Variants in FLRT2 observed in about 807,000 individuals in gnomAD.
FLRT2 encodes the protein fibronectin leucine rich transmembrane protein 2.
Under a neutral mutation model 40.0 loss-of-function variants are expected in FLRT2, and 15 were observed. That is an observed-to-expected ratio of 0.38 (90% CI 0.25 to 0.58). The LOEUF is 0.58. Ranked by LOEUF, FLRT2 falls within the 20% of genes least tolerant of loss-of-function variation. FLRT2 has a pLI of 0.71. For missense variants in FLRT2, 726 were observed against 840.0 expected (o/e 0.86, Z 1.68); for synonymous variants, 380 against 336.8 (o/e 1.13, Z -1.41).
rs1893104655 is a variant in FLRT2, at chr14:85,615,795, A to G, written c.-376-5344A>G. 1.3e-5 allele frequency among the ~76,000 whole-genome samples: 2 copies of G among 152,264 alleles called. 1 individual carries two copies. Among genetic ancestry groups the G allele is most frequent in the South Asian group, 4.1e-4 (2 of 4,838 alleles). On this transcript the variant is annotated intron_variant, in intron 1 of 1. Coordinates refer to ENST00000330753, the MANE Select transcript of FLRT2 (RefSeq NM_013231.6). ...TGTGCTGCCTTGTCACAATTCAGCC[A>G]GTGCTGAAACCATTAAGATTTTATT...
At chr14:85,614,976 C>T (rs1190253893) in intron 1 of FLRT2, among the ~76,000 whole-genome samples, 2 of 152,288 alleles carry the variant, frequency 1.3e-5, no homozygotes, top group South Asian at 2.1e-4. Flanking sequence ...TATTAGTACT[C>T]TCTCAATTTA....
At position 85,647,516 on chromosome 14, in the gene FLRT2, ATG is replaced by A. The variant is rs1894334229; in HGVS notation, c.*24021_*24022del. 1 of 152,190 alleles carries A rather than the reference ATG, an allele frequency of 6.6e-6. No homozygotes were observed. The highest frequency in any genetic ancestry group is 2.4e-5 in the African/African-American group (1 of 41,458). The allele number at this position is 152,190 out of a possible 1,614,324, so 9.4% of individuals were successfully genotyped here. A position where few individuals can be genotyped will look rare whatever the true frequency, so the allele number is the denominator to read the frequency against. On this transcript the variant is annotated 3_prime_UTR_variant, in exon 2 of 2. Coordinates refer to ENST00000330753, the MANE Select transcript of FLRT2 (RefSeq NM_013231.6). ...AGAAGTCTTACTAGTCAATGGAAGA[ATG>A]TTTCTCTTCCAAGAGGACACAACAA... is the stretch of plus-strand genomic sequence containing the variant.
intron 1 of FLRT2, among the ~76,000 whole-genome samples, chr14:85,543,300 G>T (rs909882457): frequency 6.6e-6 from 1 of 152,206 alleles, no homozygotes; most frequent in Admixed American, 6.5e-5. Context: ...GCTTTTTATA[G>T]TTGTCTGACT....
intron 1 of FLRT2, among the ~76,000 whole-genome samples, chr14:85,579,044 G>T (rs114939718): frequency 6.6e-6 from 1 of 152,170 alleles, no homozygotes; most frequent in Non-Finnish European, 1.5e-5. Flanking sequence ...GTTTTGAGAC[G>T]ACTGGTGTCT....
chr14:85,532,835 G>T (rs375685479), intron 1 of FLRT2, among the ~76,000 whole-genome samples: 258 of 152,238 alleles, frequency 1.7e-3, no homozygotes, highest in African/African-American at 5.9e-3. Flanking sequence ...CTCACATTTC[G>T]ATCATTTCTC....
chr14:85,581,593 A>G (rs1891388324), intron 1 of FLRT2, among the ~76,000 whole-genome samples: 1 of 152,194 alleles, frequency 6.6e-6, no homozygotes, highest in African/African-American at 2.4e-5. Context: ...TCCAGAATGG[A>G]GACTTCCATT....
intron 1 of FLRT2, among the ~76,000 whole-genome samples, chr14:85,565,485 G>T (rs909025503): frequency 2.6e-5 from 4 of 152,132 alleles, no homozygotes; most frequent in Non-Finnish European, 4.4e-5. Context: ...GACCCCGATA[G>T]TTTCCCAATA....
chr14:85,639,843 T>A lies in FLRT2; in HGVS notation c.*16346T>A, dbSNP rs1566773360. 2.9e-5 allele frequency: 3 copies of A among 103,774 alleles called. No homozygotes were observed. The highest frequency in any genetic ancestry group is 1.2e-4 in the African/African-American group (3 of 24,210). 6.4% of individuals were successfully genotyped at this position (103,774 alleles called of 1,614,324 possible). A position where few individuals can be genotyped will look rare whatever the true frequency, so the allele number is the denominator to read the frequency against. ...CACTAGCAGAAATTCTTTATTTTTTTTTTTTTCCTTTTTTTTTTTTTTTGA... is the reference window on the plus strand; with the variant it reads ...CACTAGCAGAAATTCTTTATTTTTTATTTTTTCCTTTTTTTTTTTTTTTGA... On this transcript the variant is annotated 3_prime_UTR_variant, in exon 2 of 2. Coordinates refer to ENST00000330753, the MANE Select transcript of FLRT2 (RefSeq NM_013231.6).
chr14:85,572,570 T>A (rs906331499), intron 1 of FLRT2, among the ~76,000 whole-genome samples: 3 of 152,212 alleles, frequency 2.0e-5, no homozygotes, highest in Non-Finnish European at 2.9e-5. Flanking sequence ...AAGACAGTTA[T>A]GTGCAGACAG....
rs1230527353 is a variant in FLRT2, at chr14:85,568,887, A to G, written c.-377+38353A>G. Among the ~76,000 whole-genome samples the G allele has an allele frequency of 2.0e-5, 3 of 152,110 alleles. No homozygotes were observed. The East Asian group carries it at 5.8e-4, about 29-fold the overall frequency. On this transcript the variant is annotated intron_variant, in intron 1 of 1. Coordinates refer to ENST00000330753, the MANE Select transcript of FLRT2 (RefSeq NM_013231.6). ...TCATCTAGCACAGTGCCTGGTGTAT[A>G]TCAGCCGCCTCTCTCTGCCTCTCAC... is the stretch of plus-strand genomic sequence containing the variant.
chr14:85,556,809 T>C (rs1046089819), intron 1 of FLRT2, among the ~76,000 whole-genome samples: 2 of 152,238 alleles, frequency 1.3e-5, no homozygotes, highest in African/African-American at 4.8e-5. Context: ...ACAATTTCTG[T>C]ACCTTTTGTG....
intron 1 of FLRT2, among the ~76,000 whole-genome samples, chr14:85,609,979 T>C (rs1892787718): frequency 6.6e-6 from 1 of 152,168 alleles, no homozygotes; most frequent in Non-Finnish European, 1.5e-5. Flanking sequence ...GGGACCAATT[T>C]ACTTGCTAGG....
intron 1 of FLRT2, among the ~76,000 whole-genome samples, chr14:85,610,247 G>A (rs1345084139): frequency 1.3e-5 from 2 of 152,100 alleles, no homozygotes. Context: ...GTGTGGGGAT[G>A]TTCGCGAGAA....
intron 1 of FLRT2, among the ~76,000 whole-genome samples, chr14:85,575,331 AC>A (rs1448375754): frequency 6.6e-6 from 1 of 151,534 alleles, no homozygotes; most frequent in African/African-American, 2.4e-5. Flanking sequence ...ATTAGTTCTT[AC>A]AACATTTTTT....
chr14:85,590,982 C>A (rs1016020233), intron 1 of FLRT2, among the ~76,000 whole-genome samples: 1 of 152,106 alleles, frequency 6.6e-6, no homozygotes, highest in Admixed American at 6.5e-5. Context: ...CTCTGAATTT[C>A]TGTGTGGCCT....
At chr14:85,577,034 T>C (rs1891150731) in intron 1 of FLRT2, among the ~76,000 whole-genome samples, 1 of 152,204 alleles carries the variant, frequency 6.6e-6, no homozygotes, top group South Asian at 2.1e-4. Flanking sequence ...TGTGAAGCTA[T>C]TGTTAAAAAT....
intron 1 of FLRT2, among the ~76,000 whole-genome samples, chr14:85,590,210 C>G (rs1389535154): frequency 1.6e-4 from 24 of 152,090 alleles, no homozygotes; most frequent in Admixed American, 1.6e-3. Context: ...AAAAATGTCT[C>G]CAACGTTGCC....
At position 85,634,418 on chromosome 14, in the gene FLRT2, C is replaced by T. The variant is rs1321381812; in HGVS notation, c.*10921C>T. ...TATTGCTAAGTATTTTACATAACTG[C>T]CCTCATTAGTTGGAATATAGCATGC... On this transcript the variant is annotated 3_prime_UTR_variant, in exon 2 of 2. Transcript: ENST00000330753. The T allele has an allele frequency of 1.3e-5, 2 of 151,986 alleles. No individual in the cohort carries two copies. Among genetic ancestry groups the T allele is most frequent in the African/African-American group, 4.8e-5 (2 of 41,354 alleles). The allele number at this position is 151,986 out of a possible 1,614,324, so 9.4% of individuals were successfully genotyped here.
intron 1 of FLRT2, among the ~76,000 whole-genome samples, chr14:85,560,028 C>T (rs1193848978): frequency 6.6e-6 from 1 of 152,176 alleles, no homozygotes; most frequent in Admixed American, 6.5e-5. Context: ...TCTGTTAATG[C>T]TATTTTGTCA....
Sources: gnomAD v4.1 joint callset for allele counts (sites outside exome capture counted in the v4.1 genomes callset) on GRCh38, gnomAD v4.1.1 for gene constraint, MANE v1.5 for transcripts, NCBI Gene and HGNC (gene_info 2026-07-23, HGNC 2026-07-21) for gene names.